The following PRDM10 variants were observed in gnomAD, a reference collection of about 807,000 sequenced individuals.
The protein encoded by PRDM10 is PR/SET domain 10, also known as PR domain zinc finger protein 10.
Under a neutral mutation model 133.1 loss-of-function variants are expected in PRDM10, and 65 were observed. That is an observed-to-expected ratio of 0.49 (90% CI 0.40 to 0.60). The LOEUF (loss-of-function observed/expected upper bound fraction) is 0.60. Ranked by LOEUF, PRDM10 falls within the 20% of genes least tolerant of loss-of-function variation. The probability of loss-of-function intolerance (pLI) is 0.00; values close to 1 mark genes in which losing one functional copy is unlikely to be tolerated. For missense variants in PRDM10, 1,137 were observed against 1,507.1 expected (o/e 0.75, Z 4.07); for synonymous variants, 582 against 580.4 (o/e 1.00, Z -0.04).
Position 129,955,537 on chromosome 11 carries a change from A to C in PRDM10, c.269T>G (p.Val90Gly). 1 of 1,614,118 alleles carries C rather than the reference A, an allele frequency of 6.2e-7. No homozygotes were observed. Reference protein sequence around the residue: ...LFTDPGQVAYVQQDATAQQAS... With the variant: ...LFTDPGQVAYGQQDATAQQAS... ...CTGCTGAGCTGTAGCATCCTGTTGG[A>C]CATAAGCTACCTGGCCGGGGTCTGT... is the stretch of plus-strand genomic sequence containing the variant. Residue 90 changes from valine to glycine, a missense_variant, in exon 4 of 21, where the codon GTC (valine) becomes GGC (glycine). Around this residue, in one of 6 missense-constraint regions of PRDM10, gnomAD observed 635 missense variants for 835.2 expected, o/e 0.76. Transcript: ENST00000360871.
At chr11:129,944,408 C>G (rs966921432) in intron 6 of PRDM10, among the ~76,000 whole-genome samples, 1 of 151,906 alleles carries the variant, frequency 6.6e-6, no homozygotes, top group African/African-American at 2.4e-5. Context: ...CGGTGAAACC[C>G]CGTCTCTACT....
At chr11:129,958,592 C>T (rs766977204) in intron 2 of PRDM10, among the ~76,000 whole-genome samples, 2 of 152,038 alleles carry the variant, frequency 1.3e-5, no homozygotes, top group Non-Finnish European at 2.9e-5. Flanking sequence ...TGCAGTGAGC[C>T]GAGATCGCAC....
intron 1 of PRDM10, among the ~76,000 whole-genome samples, chr11:129,972,692 C>A (rs1195070426): frequency 1.3e-5 from 2 of 152,198 alleles, no homozygotes; most frequent in African/African-American, 4.8e-5. Flanking sequence ...TTAGAGGAGT[C>A]TTCAACAAGA....
At chr11:129,915,506 G>A (rs1341330743) in intron 16 of PRDM10, among the ~76,000 whole-genome samples, 154 bp downstream of exon 16, 1 of 152,192 alleles carries the variant, frequency 6.6e-6, no homozygotes, top group Non-Finnish European at 1.5e-5. Flanking sequence ...TCTCTGCTGT[G>A]CTCTCTGTTT....
chr11:129,905,529 A>C, intron 20 of PRDM10, 109 bp downstream of exon 20: 1 of 841,248 alleles, frequency 1.2e-6, no homozygotes, highest in Non-Finnish European at 2.0e-6. Flanking sequence ...TTCATCATCT[A>C]CTGTGAGAAA....
At position 129,918,697 on chromosome 11, in the gene PRDM10, G is replaced by A; in HGVS notation, c.2056C>T (p.His686Tyr). The change falls in exon 14 of 21, where the codon CAC (histidine) becomes TAC (tyrosine). Residue 686 changes from histidine to tyrosine, a missense_variant. By Grantham distance (83) the His-to-Tyr change is moderately conservative. This residue lies in a region of PRDM10 where 78 missense variants were observed against 96.4 expected (regional missense o/e 0.81). Transcript: ENST00000360871. This position sits in a 1 kb window ranked among gnomAD's most constrained non-coding sequence, Gnocchi z 5.3. ...QFKRKDKLREHMQRMHNPERE... is the reference protein window; with the variant it reads ...QFKRKDKLREYMQRMHNPERE... ...TCAGGATTATGCATCCTCTGCATGT[G>A]TTCCCGTAGTTTGTCTTTTCGCTAT... The A allele has an allele frequency of 3.1e-6, 5 of 1,611,006 alleles. No homozygotes were observed. The highest frequency in any genetic ancestry group is 4.2e-6 in the Non-Finnish European group (5 of 1,178,550).
chr11:129,974,814 T>C lies in PRDM10; in HGVS notation c.-118-13732A>G, dbSNP rs116633745. On this transcript the variant is annotated intron_variant, in intron 1 of 20. Transcript: ENST00000360871. ...GAATGGGTCAACAAACTGTGGTCTGTACATACAGCGGAATATTATTCAGCC... is the reference window on the plus strand; with the variant it reads ...GAATGGGTCAACAAACTGTGGTCTGCACATACAGCGGAATATTATTCAGCC... Among the ~76,000 whole-genome samples, 535 of 152,334 alleles carry C rather than the reference T, an allele frequency of 3.5e-3. 7 individuals carry two copies. Among genetic ancestry groups the C allele is most frequent in the African/African-American group, 0.012 (509 of 41,564 alleles).
rs1591593198 is a variant in PRDM10 at position 129,918,410 on chromosome 11, T to C, written c.2214+129A>G. 5.2e-6 allele frequency: 6 copies of C among 1,155,186 alleles called. No homozygotes were observed. The highest frequency in any genetic ancestry group is 5.7e-6 in the Non-Finnish European group (5 of 875,762). 71.6% of individuals were successfully genotyped at this position (1,155,186 alleles called of 1,614,324 possible). Reference sequence around the variant, plus strand: ...ATTGGGAATCGTTTGCCTCTGTTTCTTCCCCTGGACATTGACAAAACCATT... The same window carrying C: ...ATTGGGAATCGTTTGCCTCTGTTTCCTCCCCTGGACATTGACAAAACCATT... On this transcript the variant is annotated intron_variant, in intron 14 of 20. Coordinates refer to ENST00000360871, the MANE Select transcript of PRDM10 (RefSeq NM_199437.2). The surrounding 1 kb of genome is among the most constrained non-coding windows in gnomAD (Gnocchi z 5.3).
intron 1 of PRDM10, among the ~76,000 whole-genome samples, chr11:129,972,531 T>C (rs1380194179): frequency 1.3e-5 from 2 of 152,170 alleles, no homozygotes; most frequent in Non-Finnish European, 2.9e-5. Flanking sequence ...GGGAGCATAG[T>C]TTGAGAACAG....
intron 1 of PRDM10, among the ~76,000 whole-genome samples, chr11:129,971,783 G>C (rs1327369762): frequency 6.6e-6 from 1 of 152,244 alleles, no homozygotes; most frequent in Non-Finnish European, 1.5e-5. Context: ...AGTGGATCCC[G>C]CACCGGGGCT....
intron 12 of PRDM10, among the ~76,000 whole-genome samples, chr11:129,924,610 T>C (rs1385888256): frequency 2.0e-5 from 3 of 152,198 alleles, no homozygotes; most frequent in Admixed American, 6.5e-5. Context: ...TTGACATGGA[T>C]TATGAAAGAC....
At chr11:129,913,033 C>T (rs1404726317) in intron 17 of PRDM10, among the ~76,000 whole-genome samples, 1 of 148,794 alleles carries the variant, frequency 6.7e-6, no homozygotes, top group African/African-American at 2.5e-5. Context: ...GGACTCTAGC[C>T]CGGGCAACAG....
intron 5 of PRDM10, among the ~76,000 whole-genome samples, chr11:129,946,470 A>T (rs1389403509): frequency 1.3e-5 from 2 of 152,132 alleles, no homozygotes; most frequent in African/African-American, 4.8e-5. Context: ...ATGCAAATCA[A>T]TGAGTAAGCA....
intron 4 of PRDM10, chr11:129,948,068 A>G: frequency 2.2e-6 from 1 of 456,734 alleles, no homozygotes; most frequent in Non-Finnish European, 4.4e-6. Flanking sequence ...AATGAAAGAG[A>G]TGAGGTGCCT....
Position 129,912,114 on chromosome 11 carries a change from G to C in PRDM10, c.2953C>G (p.Pro985Ala). The C allele has an allele frequency of 1.9e-6, 3 of 1,611,860 alleles. No individual in the cohort carries two copies. Among genetic ancestry groups the C allele is most frequent in the Non-Finnish European group, 2.5e-6 (3 of 1,178,994 alleles). ...GCGGAGGACGGGGCCGAGGCGGTAGGCTCGCTGACCTGGATGTGCTGCACC... is the reference window on the plus strand; with the variant it reads ...GCGGAGGACGGGGCCGAGGCGGTAGCCTCGCTGACCTGGATGTGCTGCACC... ...IQVQHIQVSEPTASAPSSAQV... is the reference protein window; with the variant it reads ...IQVQHIQVSEATASAPSSAQV... The change falls in exon 18 of 21, where the codon CCT (proline) becomes GCT (alanine). Residue 985 changes from proline to alanine, a missense_variant. Transcript: ENST00000360871.
chr11:129,949,536 A>G (rs890703336), intron 4 of PRDM10, among the ~76,000 whole-genome samples: 5 of 152,210 alleles, frequency 3.3e-5, no homozygotes, highest in African/African-American at 1.2e-4. Context: ...GGGAAATAAC[A>G]CCAATCCCTT....
chr11:129,915,798 G>T lies in PRDM10; in HGVS notation c.2388C>A (p.Leu796=), dbSNP rs777730168. The change falls in exon 16 of 21, where the codon CTC becomes CTA. Residue 796 remains leucine (L), a synonymous_variant. Coordinates refer to ENST00000360871, the MANE Select transcript of PRDM10 (RefSeq NM_199437.2). ...GTCGGAGCTTCCGAATGCTCGGTGG[G>T]AGCTCTGCTCCTGGGTGGTTCTTCA... is the stretch of plus-strand genomic sequence containing the variant. The part of the protein sequence containing the change: ...HILKNHPGAE[L]PPSIRKLRPA... 1.2e-6 allele frequency: 2 copies of T among 1,613,962 alleles called. No individual in the cohort carries two copies. The highest frequency in any genetic ancestry group is 1.7e-6 in the Non-Finnish European group (2 of 1,180,020).
intron 1 of PRDM10, among the ~76,000 whole-genome samples, chr11:129,999,085 A>G (rs1211243707): frequency 6.6e-6 from 1 of 152,120 alleles, no homozygotes; most frequent in African/African-American, 2.4e-5. Context: ...GGCCTCCCAG[A>G]GTACTGGGAT....
At chr11:129,904,417 G>C (rs1011066234) in intron 20 of PRDM10, among the ~76,000 whole-genome samples, 2 of 152,118 alleles carry the variant, frequency 1.3e-5, no homozygotes, top group African/African-American at 4.8e-5. Context: ...TATGTTAACA[G>C]TTTTCAAGTA....
Sources: gnomAD v4.1 joint callset for allele counts (sites outside exome capture counted in the v4.1 genomes callset) on GRCh38, gnomAD v4.1.1 for gene constraint, gnomAD v4.1.1 regional missense constraint, Gnocchi (gnomAD v3.1) non-coding constraint, MANE v1.5 for transcripts, NCBI Gene and HGNC (gene_info 2026-07-23, HGNC 2026-07-21) for gene names.